Variants in PTDSS1 observed in about 807,000 individuals in gnomAD.
PTDSS1 encodes the protein PSS-1.
In PTDSS1, 45 loss-of-function variants were observed where a neutral mutation model predicts 70.5. The ratio of observed to expected loss-of-function variants is 0.64; its 90% CI spans 0.50 to 0.82. The LOEUF (loss-of-function observed/expected upper bound fraction) is 0.82, where lower values mean the gene tolerates loss of function less well. PTDSS1 is among the 40% of genes least tolerant of loss of function. PTDSS1 has a pLI of 0.00. For synonymous variants in PTDSS1, 188 were observed against 203.8 expected, an observed-to-expected ratio of 0.92 and a Z score of 0.66; for missense variants, 417 against 586.1, an observed-to-expected ratio of 0.71 and a Z score of 2.98.
chr8:96,325,259 C>CT (rs1450903845), intron 10 of PTDSS1, among the ~76,000 whole-genome samples: 1 of 152,214 alleles, frequency 6.6e-6, no homozygotes, highest in Non-Finnish European at 1.5e-5. Context: ...GACATTCTCT[C>CT]TAGGGAACTG....
chr8:96,328,156 C>T (rs957518885), intron 10 of PTDSS1, among the ~76,000 whole-genome samples: 7 of 152,154 alleles, frequency 4.6e-5, no homozygotes, highest in African/African-American at 1.4e-4. Context: ...GGGAAGAGCC[C>T]CGCGTGCCTG....
intron 5 of PTDSS1, among the ~76,000 whole-genome samples, chr8:96,297,675 T>C (rs1275017939): frequency 6.6e-6 from 1 of 152,160 alleles, no homozygotes; most frequent in Non-Finnish European, 1.5e-5. Context: ...GCTAACAAGC[T>C]GTCTCCAGAG....
At chr8:96,263,823 G>A (rs1277957507) in intron 1 of PTDSS1, among the ~76,000 whole-genome samples, 1 of 152,212 alleles carries the variant, frequency 6.6e-6, no homozygotes, top group African/African-American at 2.4e-5. Flanking sequence ...ACAAGTGCCG[G>A]TGGTGCCTCC....
intron 7 of PTDSS1, 148 bp downstream of exon 7, chr8:96,304,329 T>A: frequency 1.0e-6 from 1 of 989,540 alleles, no homozygotes; most frequent in Non-Finnish European, 1.4e-6. Flanking sequence ...GTAGAATAAT[T>A]AAGCAAAGTG....
intron 10 of PTDSS1, among the ~76,000 whole-genome samples, chr8:96,326,378 A>G (rs372618616): frequency 6.6e-6 from 1 of 151,674 alleles, no homozygotes; most frequent in South Asian, 2.1e-4. Context: ...TTTTTTTTCT[A>G]TCTGTCTCCT....
intron 2 of PTDSS1, among the ~76,000 whole-genome samples, chr8:96,283,084 A>G (rs2130043774): frequency 6.6e-6 from 1 of 152,316 alleles, no homozygotes; most frequent in Middle Eastern, 3.4e-3. Context: ...CCACCTGCCT[A>G]CTGCCCCTAC....
intron 9 of PTDSS1, among the ~76,000 whole-genome samples, chr8:96,313,605 G>A (rs1563579473): frequency 6.6e-6 from 1 of 152,234 alleles, no homozygotes; most frequent in African/African-American, 2.4e-5. Context: ...GTGCACAGTT[G>A]CTTTTCCTCT....
intron 1 of PTDSS1, among the ~76,000 whole-genome samples, chr8:96,267,561 T>TA (rs2129989099): frequency 6.6e-6 from 1 of 152,346 alleles, no homozygotes; most frequent in South Asian, 2.1e-4. Context: ...CTTTAAAACA[T>TA]ATCACCTTTC....
intron 11 of PTDSS1, 120 bp downstream of exon 11, chr8:96,330,401 A>C: frequency 1.1e-6 from 1 of 939,246 alleles, no homozygotes; most frequent in Non-Finnish European, 1.6e-6. Context: ...TGGGGCCTCC[A>C]GTCCTGCCAC....
intron 9 of PTDSS1, among the ~76,000 whole-genome samples, chr8:96,311,376 G>A (rs1477076963): frequency 6.6e-6 from 1 of 152,188 alleles, no homozygotes; most frequent in African/African-American, 2.4e-5. Context: ...ACTTTTCACA[G>A]ATTTTTAAAC....
intron 9 of PTDSS1, among the ~76,000 whole-genome samples, chr8:96,319,555 G>A (rs1460216003): frequency 6.6e-6 from 1 of 151,954 alleles, no homozygotes; most frequent in Non-Finnish European, 1.5e-5. Flanking sequence ...GAAGGTAAAG[G>A]GTTTATATTT....
chr8:96,299,992 G>T, intron 6 of PTDSS1, 147 bp downstream of exon 6: 1 of 1,113,124 alleles, frequency 9.0e-7, no homozygotes, highest in Non-Finnish European at 1.2e-6. Context: ...TTATAAACCT[G>T]ATTTCAAGCA....
At chr8:96,309,489 G>A in intron 8 of PTDSS1, 68 bp from the exon 9 acceptor site, 1 of 1,439,158 alleles carries the variant, frequency 6.9e-7, no homozygotes, top group Non-Finnish European at 9.8e-7. Flanking sequence ...TTGTCAAAGT[G>A]ATTTAATTAT....
chr8:96,336,638 G>A lies in PTDSS1; in HGVS notation c.*3072G>A, dbSNP rs554164447. On this transcript the variant is annotated 3_prime_UTR_variant, in exon 13 of 13. Coordinates refer to ENST00000517309, the MANE Select transcript of PTDSS1 (RefSeq NM_014754.3). ...ATGGTTCTTATTGTTATGACAACTA[G>A]AAATCCCACAGTAGACTAGACAGTG... 6.6e-6 allele frequency: 1 copy of A among 152,040 alleles called. No individual in the cohort carries two copies. The highest frequency in any genetic ancestry group is 2.1e-4 in the South Asian group (1 of 4,828). The allele number at this position is 152,040 out of a possible 1,614,324, so 9.4% of individuals were successfully genotyped here. A position where few individuals can be genotyped will look rare whatever the true frequency, so the allele number is the denominator to read the frequency against.
chr8:96,322,331 C>T (rs1245133278), intron 10 of PTDSS1, among the ~76,000 whole-genome samples: 12 of 152,250 alleles, frequency 7.9e-5, no homozygotes, highest in East Asian at 7.7e-4. Flanking sequence ...ATTTGGCTCA[C>T]GGTTCTGACA....
At chr8:96,293,714 G>C (rs1303308700) in intron 4 of PTDSS1, among the ~76,000 whole-genome samples, 1 of 152,246 alleles carries the variant, frequency 6.6e-6, no homozygotes, top group Non-Finnish European at 1.5e-5. Flanking sequence ...TTAATAGAGT[G>C]TAAAGTCCTC....
intron 1 of PTDSS1, 54 bp from the exon 2 acceptor site, chr8:96,273,245 G>T (rs1203941387): frequency 1.5e-6 from 2 of 1,335,200 alleles, no homozygotes; most frequent in South Asian, 1.4e-5. Flanking sequence ...CCTTCCTCTA[G>T]GTTTTCTATT....
chr8:96,322,060 A>G (rs941441772), intron 10 of PTDSS1, among the ~76,000 whole-genome samples: 3 of 152,042 alleles, frequency 2.0e-5, no homozygotes, highest in Admixed American at 2.0e-4. Flanking sequence ...TTCACCGGGT[A>G]CCAGAGAACC....
chr8:96,262,295 G>A lies in PTDSS1; in HGVS notation c.179+76G>A. On this transcript the variant is annotated intron_variant, in intron 1 of 12. Transcript: ENST00000517309. The surrounding 1 kb of genome is among the most constrained non-coding windows in gnomAD (Gnocchi z 4.4). ...CGGGAGGGAGGGTGGCGGGGAGGGG[G>A]GCCCGGCATGGCTCTGGGTGAGGAA... is the stretch of plus-strand genomic sequence containing the variant. 1.4e-6 allele frequency: 2 copies of A among 1,461,338 alleles called. No individual in the cohort carries two copies. The highest frequency in any genetic ancestry group is 1.9e-6 in the Non-Finnish European group (2 of 1,070,834). 90.5% of individuals were successfully genotyped at this position (1,461,338 alleles called of 1,614,324 possible).
Sources: allele counts gnomAD v4.1 joint callset (sites outside exome capture counted in the v4.1 genomes callset), GRCh38; gene constraint gnomAD v4.1.1; non-coding constraint Gnocchi (gnomAD v3.1); transcripts MANE v1.5; gene names NCBI Gene and HGNC (gene_info 2026-07-23, HGNC 2026-07-21).